Variants in CRIM1 observed in about 807,000 individuals in gnomAD.
CRIM1 encodes cysteine-rich motor neuron 1 protein.
Under a neutral mutation model 116.4 loss-of-function variants are expected in CRIM1, and 32 were observed. The ratio of observed to expected loss-of-function variants is 0.27; its 90% CI spans 0.21 to 0.37. CRIM1 has a LOEUF of 0.37. Among genes scored for constraint, CRIM1 ranks in the 10% least tolerant of loss-of-function variants. CRIM1 has a pLI of 1.00. For synonymous variants in CRIM1, 590 were observed against 509.2 expected (o/e 1.16, Z -2.13); for missense variants, 1,331 against 1,354.8 (o/e 0.98, Z 0.28).
intron 13 of CRIM1, among the ~76,000 whole-genome samples, chr2:36,523,391 G>A (rs1387616682): frequency 6.6e-6 from 1 of 152,170 alleles, no homozygotes; most frequent in Non-Finnish European, 1.5e-5. Context: ...ACCCGTGGTG[G>A]TGATGCATCT....
chr2:36,520,179 C>T (rs568321821), intron 12 of CRIM1, among the ~76,000 whole-genome samples: 1 of 152,204 alleles, frequency 6.6e-6, no homozygotes, highest in African/African-American at 2.4e-5. Flanking sequence ...TCACTGCCAG[C>T]GTATCCTGAT....
intron 1 of CRIM1, among the ~76,000 whole-genome samples, chr2:36,392,107 G>A (rs1558531902): frequency 1.3e-5 from 2 of 152,142 alleles, no homozygotes; most frequent in Non-Finnish European, 2.9e-5. Flanking sequence ...ATGAGAAAAA[G>A]TGTTATATTT....
intron 2 of CRIM1, among the ~76,000 whole-genome samples, chr2:36,405,859 T>C (rs1056001401): frequency 6.6e-6 from 1 of 152,232 alleles, no homozygotes; most frequent in Non-Finnish European, 1.5e-5. Flanking sequence ...AAATTAAAAA[T>C]GAAATATTTC....
At position 36,378,117 on chromosome 2, in the gene CRIM1, C is replaced by A. The variant is rs117674202; in HGVS notation, c.332-18497C>A. 9.1e-3 allele frequency among the ~76,000 whole-genome samples: 1,384 copies of A among 152,254 alleles called. 43 individuals are homozygous for A. The highest frequency in any genetic ancestry group is 0.079 in the South Asian group (380 of 4,816). On this transcript the variant is annotated intron_variant, in intron 1 of 16. Transcript: ENST00000280527. ...CTTAGGGGCTTACTCTGCATTGTAA[C>A]GTATGTTTGCTTTTAAGGCGATAGA...
At chr2:36,418,570 A>G (rs1433211406) in intron 2 of CRIM1, among the ~76,000 whole-genome samples, 1 of 152,154 alleles carries the variant, frequency 6.6e-6, no homozygotes, top group Admixed American at 6.5e-5. Context: ...TACAGGGGTG[A>G]GCCACCGTGC....
intron 7 of CRIM1, among the ~76,000 whole-genome samples, chr2:36,482,311 G>T (rs943031520): frequency 2.6e-5 from 4 of 152,014 alleles, no homozygotes; most frequent in African/African-American, 9.7e-5. Context: ...TTCATTTTAA[G>T]ATGTATTAAT....
Position 36,477,691 on chromosome 2 carries a change from C to A in CRIM1, c.1174+620C>A, listed in dbSNP as rs116134633. Among the ~76,000 whole-genome samples the A allele has an allele frequency of 1.8e-3, 270 of 152,356 alleles. 1 individual carries two copies. The highest frequency in any genetic ancestry group is 6.2e-3 in the African/African-American group (259 of 41,590). ...TGCTTTGTCTGGATTCCCCTTTTCT[C>A]TCCAAGAAGTAATATGTTCATGTTC... On this transcript the variant is annotated intron_variant, in intron 6 of 16. Coordinates refer to ENST00000280527, the MANE Select transcript of CRIM1 (RefSeq NM_016441.3).
chr2:36,508,700 A>G (rs1461044681), intron 8 of CRIM1, among the ~76,000 whole-genome samples: 2 of 152,180 alleles, frequency 1.3e-5, no homozygotes, highest in Non-Finnish European at 2.9e-5. Context: ...ATAATTAAGC[A>G]TGCTTTTTTT....
At chr2:36,522,574 G>C (rs764671784) in intron 13 of CRIM1, among the ~76,000 whole-genome samples, 33 of 152,194 alleles carry the variant, frequency 2.2e-4, no homozygotes, top group Non-Finnish European at 4.1e-4. Flanking sequence ...GGCCGAGGCA[G>C]ACGGATCACT....
Position 36,537,335 on chromosome 2 carries a change from G to C in CRIM1, c.2429-17G>C, listed in dbSNP as rs749514165. The C allele has an allele frequency of 2.5e-6, 4 of 1,612,604 alleles. No homozygotes were observed. The highest frequency in any genetic ancestry group is 3.3e-5 in the Admixed American group (2 of 60,028). Reference sequence around the variant, plus strand: ...TGTCACATCAGCGACTCCATCATGTGCTGTTCTTTTCACTAGAAGACACAA... The same window carrying C: ...TGTCACATCAGCGACTCCATCATGTCCTGTTCTTTTCACTAGAAGACACAA... On this transcript the variant is annotated splice_polypyrimidine_tract_variant and intron_variant, in intron 13 of 16. Transcript: ENST00000280527.
chr2:36,539,329 G>A (rs902049897), intron 14 of CRIM1, among the ~76,000 whole-genome samples: 1 of 152,218 alleles, frequency 6.6e-6, no homozygotes, highest in Non-Finnish European at 1.5e-5. Flanking sequence ...GTTCAAGGTA[G>A]AGCAGTGTTC....
chr2:36,442,946 A>T (rs1178797459), intron 4 of CRIM1, among the ~76,000 whole-genome samples: 1 of 152,164 alleles, frequency 6.6e-6, no homozygotes, highest in African/African-American at 2.4e-5. Flanking sequence ...GTTAAACCTT[A>T]TAGATTCTTT....
At chr2:36,467,348 C>G (rs1372826230) in intron 5 of CRIM1, among the ~76,000 whole-genome samples, 1 of 152,162 alleles carries the variant, frequency 6.6e-6, no homozygotes, top group African/African-American at 2.4e-5. Flanking sequence ...TCAAAGCCTG[C>G]ATTTTTCTTC....
At chr2:36,437,580 G>T (rs199996105) in intron 2 of CRIM1, among the ~76,000 whole-genome samples, 5 of 101,682 alleles carry the variant, frequency 4.9e-5, no homozygotes, top group African/African-American at 2.0e-4. Flanking sequence ...TATTAATAAA[G>T]AGAAAGCCAG....
At position 36,550,233 on chromosome 2, in the gene CRIM1, G is replaced by A. The variant is rs899538328; in HGVS notation, c.*1532G>A. ...TATCTGCATCACTAATCAGCTCCTG[G>A]ATTTTTTTTTTTTTTTTTTCAAACA... On this transcript the variant is annotated 3_prime_UTR_variant, in exon 17 of 17. Coordinates refer to ENST00000280527, the MANE Select transcript of CRIM1 (RefSeq NM_016441.3). 5.3e-5 allele frequency: 7 copies of A among 131,910 alleles called. No individual in the cohort carries two copies. Among genetic ancestry groups the A allele is most frequent in the African/African-American group, 2.1e-4 (7 of 34,130 alleles). The allele number at this position is 131,910 out of a possible 1,614,324, so 8.2% of individuals were successfully genotyped here.
chr2:36,542,680 G>A (rs139330507), intron 14 of CRIM1, among the ~76,000 whole-genome samples: 2 of 152,230 alleles, frequency 1.3e-5, no homozygotes, highest in African/African-American at 2.4e-5. Context: ...GGAAGGCTCA[G>A]TGTGAAGCCC....
chr2:36,411,462 T>C (rs1297800178), intron 2 of CRIM1, among the ~76,000 whole-genome samples: 1 of 152,314 alleles, frequency 6.6e-6, no homozygotes, highest in Middle Eastern at 3.4e-3. Flanking sequence ...TAGGAAATAA[T>C]GCATTTTCTG....
intron 2 of CRIM1, among the ~76,000 whole-genome samples, chr2:36,426,340 C>G (rs1012399090): frequency 6.6e-6 from 1 of 152,182 alleles, no homozygotes; most frequent in Admixed American, 6.5e-5. Flanking sequence ...TTTTGAGTTA[C>G]AATCATTAAT....
intron 4 of CRIM1, among the ~76,000 whole-genome samples, chr2:36,450,544 C>CT (rs1676629605): frequency 6.6e-6 from 1 of 152,126 alleles, no homozygotes; most frequent in Admixed American, 6.5e-5. Context: ...CTCAAAGTGA[C>CT]TTTTTTCCTT....
Sources: gnomAD v4.1 joint callset for allele counts (sites outside exome capture counted in the v4.1 genomes callset) on GRCh38, gnomAD v4.1.1 for gene constraint, MANE v1.5 for transcripts, NCBI Gene and HGNC (gene_info 2026-07-23, HGNC 2026-07-21) for gene names.